AFF3: variants seen among roughly 807,000 people sequenced by gnomAD.
AFF3 encodes AF4/FMR2 family member 3.
In AFF3, 32 loss-of-function variants were observed where a neutral mutation model predicts 129.7. The ratio of observed to expected loss-of-function variants is 0.25; its 90% CI spans 0.19 to 0.33. The LOEUF (loss-of-function observed/expected upper bound fraction) is 0.33, where lower values mean the gene tolerates loss of function less well. Among genes scored for constraint, AFF3 ranks in the 10% least tolerant of loss-of-function variants. The pLI is 1.00. For synonymous variants in AFF3, 644 were observed against 635.4 expected (o/e 1.01, Z -0.20); for missense variants, 1,373 against 1,592.0 (o/e 0.86, Z 2.34).
At chr2:99,726,447 T>C (rs1375564551) in intron 11 of AFF3, among the ~76,000 whole-genome samples, 1 of 152,246 alleles carries the variant, frequency 6.6e-6, no homozygotes, top group Non-Finnish European at 1.5e-5. Flanking sequence ...TAAAGTCACT[T>C]GTTAGCTCAT....
At chr2:99,604,240 A>G (rs1453350086) in intron 13 of AFF3, among the ~76,000 whole-genome samples, 2 of 152,238 alleles carry the variant, frequency 1.3e-5, no homozygotes, top group Non-Finnish European at 2.9e-5. Context: ...CATCGATGAC[A>G]GACTGGATAA....
intron 7 of AFF3, among the ~76,000 whole-genome samples, chr2:99,990,734 A>G (rs1241675752): frequency 6.6e-6 from 1 of 152,198 alleles, no homozygotes; most frequent in Non-Finnish European, 1.5e-5. Flanking sequence ...ATAGGAAGGT[A>G]GCAGTAAAAT....
chr2:99,718,294 T>C (rs1439157533), intron 11 of AFF3, among the ~76,000 whole-genome samples: 2 of 152,230 alleles, frequency 1.3e-5, no homozygotes, highest in Non-Finnish European at 2.9e-5. Flanking sequence ...TTCCAATTCA[T>C]GAACGTCTCT....
chr2:99,912,855 G>A lies in AFF3; in HGVS notation c.874-75331C>T, dbSNP rs554444969. Among the ~76,000 whole-genome samples, 6 of 152,318 alleles carry A rather than the reference G, an allele frequency of 3.9e-5. No individual in the cohort carries two copies. The East Asian group carries it at 7.7e-4, about 20-fold the overall frequency. On this transcript the variant is annotated intron_variant, in intron 7 of 24. Transcript: ENST00000672756. ...TGCAGTACTTTGTTACACGGCAATA[G>A]CTAACCCAGAAATGTCCTTAAAGAG...
chr2:99,653,973 T>C (rs1315431051), intron 12 of AFF3, among the ~76,000 whole-genome samples: 5 of 148,528 alleles, frequency 3.4e-5, no homozygotes, highest in East Asian at 4.2e-4. Flanking sequence ...TCTGCCTCCC[T>C]GGTTCAAGCG....
intron 7 of AFF3, among the ~76,000 whole-genome samples, chr2:99,926,158 T>C (rs758148639): frequency 4.6e-5 from 7 of 152,214 alleles, no homozygotes; most frequent in Non-Finnish European, 1.0e-4. Flanking sequence ...AGCTGTAGCA[T>C]AAACCAATGA....
intron 7 of AFF3, among the ~76,000 whole-genome samples, chr2:99,977,853 G>A (rs1426555896): frequency 6.6e-6 from 1 of 152,212 alleles, no homozygotes; most frequent in Non-Finnish European, 1.5e-5. Context: ...AACCTCATCT[G>A]CAATGCATGC....
intron 11 of AFF3, among the ~76,000 whole-genome samples, chr2:99,704,638 C>G (rs1677186535): frequency 6.6e-6 from 1 of 152,192 alleles, no homozygotes; most frequent in Non-Finnish European, 1.5e-5. Context: ...TGGGTCAGAA[C>G]AGTGTTCTAG....
At chr2:100,011,140 G>C (rs1313330571) in intron 4 of AFF3, among the ~76,000 whole-genome samples, 1 of 152,146 alleles carries the variant, frequency 6.6e-6, no homozygotes, top group Non-Finnish European at 1.5e-5. Flanking sequence ...CAGGGGCGGT[G>C]GTGGGCACCT....
intron 7 of AFF3, among the ~76,000 whole-genome samples, chr2:99,884,980 G>T (rs1367942593): frequency 2.0e-5 from 3 of 152,026 alleles, no homozygotes; most frequent in African/African-American, 7.3e-5. Flanking sequence ...CTTGCCAACT[G>T]CCCACCGCTT....
rs974626640 is a variant in AFF3, at chr2:99,545,924, G to C, written c.*5550C>G. On this transcript the variant is annotated 3_prime_UTR_variant, in exon 25 of 25. Coordinates refer to ENST00000672756, the MANE Select transcript of AFF3 (RefSeq NM_001386135.1). ...CCAAGCAAACAAGTTAACCCCTTTG[G>C]TGACATATACAGAATAATCTGGACA... 3 of 204,544 alleles carry C rather than the reference G, an allele frequency of 1.5e-5. No individual in the cohort carries two copies. Among genetic ancestry groups the C allele is most frequent in the African/African-American group, 6.9e-5 (3 of 43,692 alleles). 12.7% of individuals were successfully genotyped at this position (204,544 alleles called of 1,614,324 possible). A position where few individuals can be genotyped will look rare whatever the true frequency, so the allele number is the denominator to read the frequency against.
At chr2:99,703,555 T>C (rs1309692847) in intron 11 of AFF3, among the ~76,000 whole-genome samples, 4 of 152,228 alleles carry the variant, frequency 2.6e-5, no homozygotes, top group Admixed American at 2.6e-4. Context: ...ATTTAGACCA[T>C]TTACATTAAA....
At chr2:99,760,633 C>T (rs1399399163) in intron 8 of AFF3, among the ~76,000 whole-genome samples, 2 of 152,154 alleles carry the variant, frequency 1.3e-5, no homozygotes, top group African/African-American at 4.8e-5. Context: ...CCCCACTTCA[C>T]CCCCAACCAC....
intron 7 of AFF3, among the ~76,000 whole-genome samples, chr2:99,900,378 C>G (rs915720463): frequency 6.6e-6 from 1 of 152,186 alleles, no homozygotes; most frequent in South Asian, 2.1e-4. Context: ...GGCTCTCAAG[C>G]TTTAAAACAT....
intron 8 of AFF3, among the ~76,000 whole-genome samples, chr2:99,784,357 T>C (rs1684630021): frequency 6.6e-6 from 1 of 152,190 alleles, no homozygotes; most frequent in African/African-American, 2.4e-5. Context: ...TTCAGTGTAG[T>C]AGTATCCTGC....
chr2:99,912,680 A>ATCT (rs1379673114), intron 7 of AFF3, among the ~76,000 whole-genome samples: 1 of 152,198 alleles, frequency 6.6e-6, no homozygotes, highest in Non-Finnish European at 1.5e-5. Context: ...ATGAGGCAAA[A>ATCT]TCTCACAGGG....
At chr2:99,584,522 TAC>T (rs55645586) in intron 16 of AFF3, among the ~76,000 whole-genome samples, 2,172 of 152,306 alleles carry the variant, frequency 0.014, 20 homozygotes, top group Non-Finnish European at 0.021. Flanking sequence ...GAGTAGAAGT[TAC>T]AGTTTCTGAT....
At chr2:99,835,977 T>C (rs1195206514) in intron 8 of AFF3, among the ~76,000 whole-genome samples, 1 of 152,206 alleles carries the variant, frequency 6.6e-6, no homozygotes, top group Non-Finnish European at 1.5e-5. Context: ...CTTTTGATTG[T>C]GACACTCAGT....
At chr2:100,124,497 T>A (rs1692104502) in intron 2 of AFF3, among the ~76,000 whole-genome samples, 1 of 152,200 alleles carries the variant, frequency 6.6e-6, no homozygotes, top group Non-Finnish European at 1.5e-5. Context: ...CATCCTTTTT[T>A]AAAGGGTATT....
Sources: gnomAD v4.1 joint callset for allele counts (sites outside exome capture counted in the v4.1 genomes callset) on GRCh38, gnomAD v4.1.1 for gene constraint, MANE v1.5 for transcripts, NCBI Gene and HGNC (gene_info 2026-07-23, HGNC 2026-07-21) for gene names.